The following GLE1 variants were observed in gnomAD, a reference collection of about 807,000 sequenced individuals.
GLE1 encodes the protein GLE1 RNA export mediator.
GLE1 carries 78 observed loss-of-function variants against 97.3 expected under a neutral mutation model. That is an observed-to-expected ratio of 0.80 (90% CI 0.67 to 0.97). GLE1 has a LOEUF of 0.97. Ranked by LOEUF, GLE1 falls within the 50% of genes least tolerant of loss-of-function variation. The pLI, the probability that GLE1 is intolerant of heterozygous loss-of-function variation, is 0.00. For missense variants in GLE1, 753 were observed against 857.5 expected, an observed-to-expected ratio of 0.88 and a Z score of 1.52; for synonymous variants, 302 against 313.4, an observed-to-expected ratio of 0.96 and a Z score of 0.39.
chr9:128,528,548 C>T (rs1847380755), intron 9 of GLE1, among the ~76,000 whole-genome samples: 1 of 152,130 alleles, frequency 6.6e-6, no homozygotes, highest in Non-Finnish European at 1.5e-5. Flanking sequence ...TGTGATCCGC[C>T]CGCCTCAGCT....
intron 2 of GLE1, among the ~76,000 whole-genome samples, chr9:128,511,483 G>A (rs576574002): frequency 6.6e-6 from 1 of 151,718 alleles, no homozygotes; most frequent in Non-Finnish European, 1.5e-5. Context: ...CAAGGCGGGT[G>A]GATCACTAGG....
intron 11 of GLE1, 134 bp from the exon 12 acceptor site, chr9:128,536,221 A>G: frequency 3.1e-6 from 2 of 649,154 alleles, no homozygotes; most frequent in South Asian, 3.0e-5. Context: ...TTTAGTAGAG[A>G]TGGGGTTTCA....
chr9:128,511,833 C>T (rs1846833894), intron 2 of GLE1, among the ~76,000 whole-genome samples: 2 of 151,690 alleles, frequency 1.3e-5, no homozygotes, highest in South Asian at 2.1e-4. Context: ...ATTTTTGAGA[C>T]GAAGTCTCAT....
At chr9:128,529,438 G>A (rs1014259028) in intron 9 of GLE1, among the ~76,000 whole-genome samples, 2 of 152,058 alleles carry the variant, frequency 1.3e-5, no homozygotes, top group African/African-American at 2.4e-5. Context: ...CTGCCTCATC[G>A]TTTATTGCCT....
chr9:128,530,753 C>CA (rs1847472693), intron 9 of GLE1, among the ~76,000 whole-genome samples: 1 of 151,488 alleles, frequency 6.6e-6, no homozygotes, highest in Admixed American at 6.6e-5. Flanking sequence ...ACTAAAAATA[C>CA]AAAAAATTAG....
Position 128,540,170 on chromosome 9 carries a change from C to T in GLE1, c.1965-105C>T, listed in dbSNP as rs572227449. 17 of 802,946 alleles carry T rather than the reference C, an allele frequency of 2.1e-5. 1 individual carries two copies. Among genetic ancestry groups the T allele is most frequent in the Middle Eastern group, 2.8e-4 (1 of 3,588 alleles). The allele number at this position is 802,946 out of a possible 1,614,324, so 49.7% of individuals were successfully genotyped here. A position where few individuals can be genotyped will look rare whatever the true frequency, so the allele number is the denominator to read the frequency against. ...GTTCAAGGCCTCGGTGAGCTATGAT[C>T]GCACCACCGCGCTGCACTCCAGCCT... On this transcript the variant is annotated intron_variant, in intron 14 of 15. Transcript: ENST00000309971.
Position 128,527,566 on chromosome 9 carries a change from G to A in GLE1, c.1312+41G>A, listed in dbSNP as rs41306469. On this transcript the variant is annotated intron_variant, in intron 9 of 15. Transcript: ENST00000309971. ...TGAGAACATGACCTTTCATTTCATTGTATTATCTTTCAGACTCCAAATCTA... is the reference window on the plus strand; with the variant it reads ...TGAGAACATGACCTTTCATTTCATTATATTATCTTTCAGACTCCAAATCTA... The A allele has an allele frequency of 0.012, 13,785 of 1,176,596 alleles. 114 individuals are homozygous for A. Among genetic ancestry groups the A allele is most frequent in the Middle Eastern group, 0.037 (193 of 5,196 alleles). 72.9% of individuals were successfully genotyped at this position (1,176,596 alleles called of 1,614,324 possible).
chr9:128,538,136 A>C (rs758890669), intron 13 of GLE1, 46 bp downstream of exon 13: 3 of 1,021,278 alleles, frequency 2.9e-6, no homozygotes, highest in Non-Finnish European at 4.7e-6. Flanking sequence ...TGGTTGAGGT[A>C]GCCTTGATCC....
At chr9:128,522,565 C>T (rs1275363801) in intron 3 of GLE1, 103 bp from the exon 4 acceptor site, 5 of 1,274,146 alleles carry the variant, frequency 3.9e-6, no homozygotes, top group East Asian at 2.6e-5. Context: ...AGACAAGAAT[C>T]GCTTGAACCC....
intron 3 of GLE1, among the ~76,000 whole-genome samples, chr9:128,516,236 G>A (rs1846982693): frequency 6.6e-6 from 1 of 152,148 alleles, no homozygotes; most frequent in African/African-American, 2.4e-5. Flanking sequence ...GGGATTACAG[G>A]CATGAGCCAC....
rs1847328721 is a variant in GLE1, at chr9:128,527,276, C to T, written c.1227C>T (p.Asn409=). The T allele has an allele frequency of 6.3e-7, 1 of 1,592,576 alleles. No individual in the cohort carries two copies. The highest frequency in any genetic ancestry group is 1.1e-5 in the South Asian group (1 of 90,706). The change falls in exon 8 of 16, where the codon AAC becomes AAT. Residue 409 remains asparagine, a synonymous_variant. Transcript: ENST00000309971. ...TGTTGACCTTTGAGGGCCTGACCAACAGCAAGGACAGTCAGGTAGGGGAGA... is the reference window on the plus strand; with the variant it reads ...TGTTGACCTTTGAGGGCCTGACCAATAGCAAGGACAGTCAGGTAGGGGAGA... The part of the protein sequence containing the change: ...QCVLTFEGLT[N]SKDSQAKKIK...
rs560629628 is a variant in GLE1 at position 128,523,971 on chromosome 9, T to C, written c.897+125T>C. On this transcript the variant is annotated intron_variant, in intron 6 of 15. Transcript: ENST00000309971. ...TATTGGGGGAAATACCAAACATTAC[T>C]TGTTATCTCCATATCTCTTTACCTA... The C allele has an allele frequency of 2.7e-3, 2,316 of 860,394 alleles. 12 individuals are homozygous for C. The highest frequency in any genetic ancestry group is 3.4e-3 in the Non-Finnish European group (1,822 of 533,064). The allele number at this position is 860,394 out of a possible 1,614,324, so 53.3% of individuals were successfully genotyped here. A position where few individuals can be genotyped will look rare whatever the true frequency, so the allele number is the denominator to read the frequency against.
At chr9:128,516,802 T>G (rs1847002125) in intron 3 of GLE1, among the ~76,000 whole-genome samples, 1 of 151,302 alleles carries the variant, frequency 6.6e-6, no homozygotes, top group African/African-American at 2.4e-5. Flanking sequence ...TTTTTGTATT[T>G]TTTAGTAGAG....
intron 11 of GLE1, among the ~76,000 whole-genome samples, chr9:128,534,944 C>T (rs1847651833): frequency 6.6e-6 from 1 of 151,752 alleles, no homozygotes; most frequent in Non-Finnish European, 1.5e-5. Flanking sequence ...GTCTCGATCT[C>T]TTGACCTTGT....
At chr9:128,534,976 C>T (rs1200124412) in intron 11 of GLE1, among the ~76,000 whole-genome samples, 1 of 151,738 alleles carries the variant, frequency 6.6e-6, no homozygotes, top group East Asian at 1.9e-4. Context: ...CTTGGCCTCC[C>T]AAAGTGCTGG....
In GLE1 at chr9:128,508,913, C is replaced by A. The variant is rs1322721667; in HGVS notation, c.137C>A (p.Ser46Tyr). ...LEECMSLPKL[S>Y]SYSGWVVEHV... ...GAATGTATGTCTCTTCCCAAGCTAT[C>A]TTCTTATTCTGGATGGGTGGTAGAG... is the stretch of plus-strand genomic sequence containing the variant. Residue 46 changes from serine to tyrosine, a missense_variant, in exon 2 of 16, where the codon TCT (serine) becomes TAT (tyrosine). Coordinates refer to ENST00000309971, the MANE Select transcript of GLE1 (RefSeq NM_001003722.2). 6.2e-7 allele frequency: 1 copy of A among 1,610,428 alleles called. No homozygotes were observed.
At chr9:128,510,270 C>T (rs964076413) in intron 2 of GLE1, among the ~76,000 whole-genome samples, 1 of 151,972 alleles carries the variant, frequency 6.6e-6, no homozygotes, top group Non-Finnish European at 1.5e-5. Flanking sequence ...GCTCTGTCCC[C>T]CAGGCTGGAG....
rs542007644 is a variant in GLE1 at position 128,528,428 on chromosome 9, C to T, written c.1312+903C>T. 3.3e-5 allele frequency among the ~76,000 whole-genome samples: 5 copies of T among 151,464 alleles called. No homozygotes were observed. In the East Asian group the frequency reaches 9.7e-4, roughly 29 times the overall value. Reference sequence around the variant, plus strand: ...ACGCCATTCTCCTGCCTCAGCCTCCCAAGTAGCTGGGACTACAGCTGCCCG... The same window carrying T: ...ACGCCATTCTCCTGCCTCAGCCTCCTAAGTAGCTGGGACTACAGCTGCCCG... On this transcript the variant is annotated intron_variant, in intron 9 of 15. Coordinates refer to ENST00000309971, the MANE Select transcript of GLE1 (RefSeq NM_001003722.2).
intron 2 of GLE1, among the ~76,000 whole-genome samples, chr9:128,513,611 GA>G (rs1846887978): frequency 6.6e-6 from 1 of 151,898 alleles, no homozygotes; most frequent in Non-Finnish European, 1.5e-5. Context: ...TCAGAAGGCT[GA>G]GGTAGGAGGA....
Sources: gnomAD v4.1 joint callset for allele counts (sites outside exome capture counted in the v4.1 genomes callset) on GRCh38, gnomAD v4.1.1 for gene constraint, MANE v1.5 for transcripts, NCBI Gene and HGNC (gene_info 2026-07-23, HGNC 2026-07-21) for gene names.